Variants in ADAMTSL5 observed in about 807,000 individuals in gnomAD.
ADAMTSL5 encodes the protein ADAMTS-like protein 5.
In ADAMTSL5, 53 loss-of-function variants were observed where a neutral mutation model predicts 51.7. The observed-to-expected ratio is 1.03, with a 90% CI of 0.82 to 1.29. The LOEUF is 1.29. Ranked by LOEUF, ADAMTSL5 falls within the 50% of genes most tolerant of loss-of-function variation. ADAMTSL5 has a pLI of 0.00. For missense variants in ADAMTSL5, 770 were observed against 676.2 expected (o/e 1.14, Z -1.54); for synonymous variants, 285 against 278.7 (o/e 1.02, Z -0.23).
At chr19:1,508,761 G>A in intron 5 of ADAMTSL5, 191 bp from the exon 6 acceptor site, 1 of 590,926 alleles carries the variant, frequency 1.7e-6, no homozygotes, top group Non-Finnish European at 2.7e-6. Context: ...GGGACTCGCA[G>A]GCAAGTATCC....
At chr19:1,509,557 G>T (rs1016026762) in intron 5 of ADAMTSL5, among the ~76,000 whole-genome samples, 1 of 151,564 alleles carries the variant, frequency 6.6e-6, no homozygotes, top group African/African-American at 2.4e-5. Context: ...GCTGGCCCTA[G>T]TGGGCCTCTG....
chr19:1,507,464 C>T, intron 8 of ADAMTSL5, 59 bp from the exon 9 acceptor site: 33 of 1,606,978 alleles, frequency 2.1e-5, no homozygotes, highest in Non-Finnish European at 2.7e-5. Flanking sequence ...ACCCTGGGGT[C>T]CCCTCCTCAG....
At position 1,507,262 on chromosome 19, in the gene ADAMTSL5, A is replaced by T; in HGVS notation, c.832T>A (p.Ser278Thr). Reference sequence around the variant, plus strand: ...GGCACCTGTAGGAGCAGGTCATGGGAGGTGGGCCCGGCTGCTTGCAATGTC... The same window carrying T: ...GGCACCTGTAGGAGCAGGTCATGGGTGGTGGGCCCGGCTGCTTGCAATGTC... ...QETLQAAGPTSHDLLLQVLLQ... is the reference protein window; with the variant it reads ...QETLQAAGPTTHDLLLQVLLQ... Residue 278 changes from serine (S) to threonine (T), a missense_variant, in exon 9 of 12, where the codon TCC (serine) becomes ACC (threonine). Ser to Thr is a moderately conservative substitution (Grantham distance 58, BLOSUM62 1). Transcript: ENST00000330475. The T allele has an allele frequency of 1.3e-6, 2 of 1,548,552 alleles. No homozygotes were observed. Among genetic ancestry groups the T allele is most frequent in the Non-Finnish European group, 1.7e-6 (2 of 1,148,954 alleles).
At position 1,505,921 on chromosome 19, in the gene ADAMTSL5, G is replaced by A; in HGVS notation, c.*94C>T. The A allele has an allele frequency of 1.4e-6, 2 of 1,403,674 alleles. No homozygotes were observed. Among genetic ancestry groups the A allele is most frequent in the Non-Finnish European group, 9.3e-7 (1 of 1,070,602 alleles). 87.0% of individuals were successfully genotyped at this position (1,403,674 alleles called of 1,614,324 possible). A position where few individuals can be genotyped will look rare whatever the true frequency, so the allele number is the denominator to read the frequency against. On this transcript the variant is annotated 3_prime_UTR_variant, in exon 12 of 12. Transcript: ENST00000330475. ...CACAGGTGGGACGTATTTCAGAGCT[G>A]CCTGGAAGCCAGGGTGAGAGGGGAA...
At position 1,510,634 on chromosome 19, in the gene ADAMTSL5, C is replaced by A; in HGVS notation, c.191+5G>T. The A allele has an allele frequency of 6.5e-7, 1 of 1,533,190 alleles. No homozygotes were observed. The highest frequency in any genetic ancestry group is 8.8e-7 in the Non-Finnish European group (1 of 1,138,838). The allele number at this position is 1,533,190 out of a possible 1,614,324, so 95.0% of individuals were successfully genotyped here. On this transcript the variant is annotated splice_donor_5th_base_variant and intron_variant, in intron 3 of 11. Coordinates refer to ENST00000330475, the MANE Select transcript of ADAMTSL5 (RefSeq NM_213604.3). The stretch of plus-strand genomic sequence containing the variant: ...GGGCAGGGACCCCCTCCGGGCCCCG[C>A]TCACCGGAGGCAGCGCCGGCTGCGC...
chr19:1,508,358 G>C, intron 6 of ADAMTSL5, 85 bp downstream of exon 6: 3 of 1,422,454 alleles, frequency 2.1e-6, no homozygotes, highest in Non-Finnish European at 2.8e-6. Context: ...GAGGCTAATG[G>C]GAGGAGGGCG....
chr19:1,508,179 C>T, intron 6 of ADAMTSL5, 70 bp from the exon 7 acceptor site: 1 of 1,484,266 alleles, frequency 6.7e-7, no homozygotes, highest in East Asian at 2.4e-5. Context: ...AGGGCAGTGC[C>T]TGGGAGCAAG....
Position 1,506,220 on chromosome 19 carries a change from C to T in ADAMTSL5, c.1211G>A (p.Arg404Gln), listed in dbSNP as rs78485538. ...TGGCGCCCACACGTACTCGCGTGCC[C>T]GCAGTGGCGAGCGGTTCTTGTAGAC... The part of the protein sequence containing the change: ...QLVYKNRSPL[R>Q]AREYVWAPGH... The change falls in exon 12 of 12, where the codon CGG becomes CAG. Residue 404 changes from arginine (R) to glutamine (Q), a missense_variant. Arg to Gln is a conservative substitution (Grantham distance 43). Coordinates refer to ENST00000330475, the MANE Select transcript of ADAMTSL5 (RefSeq NM_213604.3). The surrounding 1 kb of genome is among the most constrained non-coding windows in gnomAD (Gnocchi z 5.6). 3,257 of 1,601,628 alleles carry T rather than the reference C, an allele frequency of 2.0e-3. 65 individuals carry two copies. The African/African-American group carries it at 0.039, about 19-fold the overall frequency.
chr19:1,511,489 T>A, intron 1 of ADAMTSL5: 2 of 1,103,930 alleles, frequency 1.8e-6, no homozygotes, highest in Non-Finnish European at 2.3e-6. Flanking sequence ...ATTATTGATA[T>A]GTGTATTGTG....
intron 8 of ADAMTSL5, 28 bp from the exon 9 acceptor site, chr19:1,507,433 A>G: frequency 6.3e-7 from 1 of 1,591,848 alleles, no homozygotes; most frequent in Non-Finnish European, 8.6e-7. Flanking sequence ...GCCCTCAGGA[A>G]CCTGTCGTCT....
Position 1,506,290 on chromosome 19 carries a change from G to A in ADAMTSL5, c.1141C>T (p.His381Tyr), listed in dbSNP as rs765306060. The change falls in exon 12 of 12, where the codon CAC becomes TAC. Residue 381 changes from histidine (H) to tyrosine (Y), a missense_variant. Transcript: ENST00000330475. This position sits in a 1 kb window ranked among gnomAD's most constrained non-coding sequence, Gnocchi z 5.6. ...TAGCGGGTCTCCTGGGCCTGGTGGT[G>A]GTGGCCCAGCACTCGGGCCTGGAAC... is the stretch of plus-strand genomic sequence containing the variant. ...FVFQARVLGHHHQAQETRYEV... is the reference protein window; with the variant it reads ...FVFQARVLGHYHQAQETRYEV... 7 of 1,550,270 alleles carry A rather than the reference G, an allele frequency of 4.5e-6. No homozygotes were observed. In the East Asian group the frequency reaches 1.4e-4, roughly 30 times the overall value.
chr19:1,512,479 G>A (rs1484241907), intron 1 of ADAMTSL5, among the ~76,000 whole-genome samples: 1 of 152,148 alleles, frequency 6.6e-6, no homozygotes, highest in Non-Finnish European at 1.5e-5. Flanking sequence ...TCAGAAGTTT[G>A]GGACCAGCCT....
chr19:1,507,126 C>A, intron 9 of ADAMTSL5, 116 bp downstream of exon 9: 1 of 1,375,680 alleles, frequency 7.3e-7, no homozygotes, highest in Non-Finnish European at 9.7e-7. Flanking sequence ...CCTCTCCCCT[C>A]TGACCCCAGA....
chr19:1,506,085 C>T lies in ADAMTSL5; in HGVS notation c.1346G>A (p.Gly449Asp), dbSNP rs1912903500. ...CGCAGGGCTCCAGGGCCGGGCGTAG[C>T]CGGCGTGGGGCAGCAGCAGCTGGTC... ...TQDQLLLPHA[G>D]YARPWSPAED... Residue 449 changes from glycine to aspartate, a missense_variant, in exon 12 of 12, where the codon GGC (glycine) becomes GAC (aspartate). Transcript: ENST00000330475. This position sits in a 1 kb window ranked among gnomAD's most constrained non-coding sequence, Gnocchi z 5.6. 1.2e-6 allele frequency: 2 copies of T among 1,600,952 alleles called. No individual in the cohort carries two copies. Among genetic ancestry groups the T allele is most frequent in the East Asian group, 4.5e-5 (2 of 44,590 alleles).
At chr19:1,511,831 G>A in intron 1 of ADAMTSL5, 1 of 326,806 alleles carries the variant, frequency 3.1e-6, no homozygotes, top group Non-Finnish European at 6.2e-6. Context: ...CCAGACAGCA[G>A]GGAGTCCCCC....
At chr19:1,511,568 A>C (rs1218224486) in intron 1 of ADAMTSL5, 1 of 1,238,478 alleles carries the variant, frequency 8.1e-7, no homozygotes, top group African/African-American at 1.6e-5. Flanking sequence ...AATAGTACAC[A>C]GGTGCCTCCT....
At chr19:1,512,039 A>G (rs755322123) in intron 1 of ADAMTSL5, among the ~76,000 whole-genome samples, 96 of 152,222 alleles carry the variant, frequency 6.3e-4, no homozygotes, top group Non-Finnish European at 1.0e-3. Flanking sequence ...CAGGGCAGGG[A>G]TGAAGTCACT....
Position 1,510,411 on chromosome 19 carries a change from G to C in ADAMTSL5, c.209C>G (p.Pro70Arg). The C allele has an allele frequency of 6.2e-7, 1 of 1,611,966 alleles. No homozygotes were observed. The highest frequency in any genetic ancestry group is 8.5e-7 in the Non-Finnish European group (1 of 1,179,660). The change falls in exon 4 of 12, where the codon CCG (proline) becomes CGG (arginine). Residue 70 changes from proline to arginine, a missense_variant. Physicochemically the swap from Pro to Arg is moderately radical, Grantham distance 103 (BLOSUM62 -2). Coordinates refer to ENST00000330475, the MANE Select transcript of ADAMTSL5 (RefSeq NM_213604.3). ...RRCLRLPGEEPCWGDSHEYRL... is the reference protein window; with the variant it reads ...RRCLRLPGEERCWGDSHEYRL... The stretch of plus-strand genomic sequence containing the variant: ...GTACTCATGGGAGTCTCCCCAGCAC[G>C]GTTCTTCCCCAGGAAGCCTGAAGGG...
At position 1,506,849 on chromosome 19, in the gene ADAMTSL5, C is replaced by T. The variant is rs760330533; in HGVS notation, c.932G>A (p.Arg311His). 1.2e-5 allele frequency: 18 copies of T among 1,543,570 alleles called. No individual in the cohort carries two copies. Among genetic ancestry groups the T allele is most frequent in the Non-Finnish European group, 1.5e-5 (17 of 1,144,836 alleles). ...PRERYSPFQA[R>H]VQALGWPLRQ... ...CAGGGGCCAGCCCAGGGCCTGCACA[C>T]GAGCCTGGAAGGGGCTGTAGCGCTC... The change falls in exon 10 of 12, where the codon CGT becomes CAT. Residue 311 changes from arginine (R) to histidine (H), a missense_variant. Arg to His is a conservative substitution (Grantham distance 29). Transcript: ENST00000330475. The surrounding 1 kb of genome is among the most constrained non-coding windows in gnomAD (Gnocchi z 5.6).
Sources: allele counts gnomAD v4.1 joint callset (sites outside exome capture counted in the v4.1 genomes callset), GRCh38; gene constraint gnomAD v4.1.1; non-coding constraint Gnocchi (gnomAD v3.1); transcripts MANE v1.5; gene names NCBI Gene and HGNC (gene_info 2026-07-23, HGNC 2026-07-21).